The following FNDC3B variants were observed in gnomAD, a reference collection of about 807,000 sequenced individuals.
FNDC3B encodes the protein fibronectin type III domain containing 3B, also known as fibronectin type III domain-containing protein 3B.
Under a neutral mutation model 151.5 loss-of-function variants are expected in FNDC3B, and 12 were observed. That is an observed-to-expected ratio of 0.08 (90% confidence interval 0.05 to 0.13). The LOEUF is 0.13. Among genes scored for constraint, FNDC3B ranks in the 10% least tolerant of loss-of-function variants. The pLI is 1.00. For missense variants in FNDC3B, 1,214 were observed against 1,505.3 expected (o/e 0.81, Z 3.20); for synonymous variants, 528 against 549.0 (o/e 0.96, Z 0.54).
intron 1 of FNDC3B, among the ~76,000 whole-genome samples, chr3:172,052,302 T>G (rs1481487348): frequency 6.6e-6 from 1 of 151,662 alleles, no homozygotes; most frequent in Non-Finnish European, 1.5e-5. Context: ...GGTCTGGAAG[T>G]CTTGGGCTCA....
At chr3:172,312,380 A>G (rs1731548447) in intron 11 of FNDC3B, among the ~76,000 whole-genome samples, 1 of 152,222 alleles carries the variant, frequency 6.6e-6, no homozygotes, top group South Asian at 2.1e-4. Context: ...GGTTAATTAG[A>G]AAGTGAAACC....
chr3:172,050,736 T>TGTG (rs1716605697), intron 1 of FNDC3B, among the ~76,000 whole-genome samples: 1 of 136,404 alleles, frequency 7.3e-6, no homozygotes, highest in African/African-American at 2.7e-5. Flanking sequence ...TGTGTGTGTA[T>TGTG]AGTGTGTATA....
At chr3:172,124,073 C>A (rs1720688746) in intron 2 of FNDC3B, among the ~76,000 whole-genome samples, 1 of 152,010 alleles carries the variant, frequency 6.6e-6, no homozygotes, top group Admixed American at 6.6e-5. Context: ...TTTTTATTGA[C>A]TACTTCTGCA....
At chr3:172,119,031 G>T (rs145134673) in intron 2 of FNDC3B, among the ~76,000 whole-genome samples, 2 of 151,850 alleles carry the variant, frequency 1.3e-5, no homozygotes, top group African/African-American at 4.8e-5. Context: ...TTAGCCAGGC[G>T]TGGTGGTGGG....
chr3:172,384,567 A>C (rs569326727), intron 25 of FNDC3B, among the ~76,000 whole-genome samples: 1 of 152,170 alleles, frequency 6.6e-6, no homozygotes, highest in African/African-American at 2.4e-5. Context: ...TTGATCACAC[A>C]TTTGTTATTG....
chr3:172,074,282 G>C (rs757173712), intron 1 of FNDC3B, among the ~76,000 whole-genome samples: 2 of 152,196 alleles, frequency 1.3e-5, no homozygotes, highest in Non-Finnish European at 2.9e-5. Context: ...CTAGTATTCA[G>C]ACCTAATTCT....
intron 12 of FNDC3B, 108 bp from the exon 13 acceptor site, chr3:172,330,433 C>T (rs1732586285): frequency 1.0e-6 from 1 of 953,362 alleles, no homozygotes. Context: ...TTTGCTTACT[C>T]TACCTGCTAG....
intron 1 of FNDC3B, among the ~76,000 whole-genome samples, chr3:172,043,852 G>C (rs1049176843): frequency 2.0e-5 from 3 of 152,120 alleles, no homozygotes; most frequent in African/African-American, 7.2e-5. Context: ...GTCAGAACTT[G>C]TTGGTTATTT....
intron 3 of FNDC3B, among the ~76,000 whole-genome samples, chr3:172,199,370 G>A (rs1015690573): frequency 6.6e-6 from 1 of 150,836 alleles, no homozygotes; most frequent in African/African-American, 2.4e-5. Flanking sequence ...TAGTAGAGAC[G>A]GGGTTTCACC....
chr3:172,269,668 A>G (rs1490541450), intron 6 of FNDC3B, among the ~76,000 whole-genome samples: 1 of 151,638 alleles, frequency 6.6e-6, no homozygotes, highest in Non-Finnish European at 1.5e-5. Context: ...TTTTGGAGAG[A>G]GGGTCTCACT....
chr3:172,366,375 G>A (rs1484383423), intron 23 of FNDC3B, among the ~76,000 whole-genome samples: 1 of 152,070 alleles, frequency 6.6e-6, no homozygotes, highest in African/African-American at 2.4e-5. Context: ...GCCTACAGGA[G>A]CGCTAAGCAT....
intron 11 of FNDC3B, 133 bp downstream of exon 11, chr3:172,311,014 C>A: frequency 2.9e-6 from 2 of 687,206 alleles, no homozygotes; most frequent in Admixed American, 2.4e-5. Flanking sequence ...AAATTTAAAT[C>A]AATAGTTATT....
chr3:172,084,462 T>C (rs1008230995), intron 1 of FNDC3B, among the ~76,000 whole-genome samples: 1 of 42,700 alleles, frequency 2.3e-5, no homozygotes, highest in Non-Finnish European at 5.1e-5. Flanking sequence ...AAAAAAAATA[T>C]GTATATGTAT....
rs1486418607 is a variant in FNDC3B at position 172,308,131 on chromosome 3, A to G, written c.1200+630A>G. On this transcript the variant is annotated intron_variant, in intron 10 of 25. Transcript: ENST00000415807. ...CCTAGAACATTTAGTGATCTAAACTATGTTAGTACTTCATTAAGTTTCACT... is the reference window on the plus strand; with the variant it reads ...CCTAGAACATTTAGTGATCTAAACTGTGTTAGTACTTCATTAAGTTTCACT... Among the ~76,000 whole-genome samples the G allele has an allele frequency of 2.0e-5, 3 of 152,236 alleles. No homozygotes were observed. In the East Asian group the frequency reaches 5.8e-4, roughly 29 times the overall value.
chr3:172,057,912 A>G (rs1320080708), intron 1 of FNDC3B, among the ~76,000 whole-genome samples: 4 of 147,150 alleles, frequency 2.7e-5, no homozygotes, highest in Admixed American at 1.3e-4. Flanking sequence ...GCAGGGAGGA[A>G]AAAAAAAAAA....
intron 3 of FNDC3B, among the ~76,000 whole-genome samples, chr3:172,153,363 G>A (rs1722327714): frequency 1.3e-5 from 2 of 152,090 alleles, no homozygotes; most frequent in Admixed American, 6.6e-5. Context: ...TTTCCAAGCC[G>A]AGTGCTCCCT....
intron 1 of FNDC3B, among the ~76,000 whole-genome samples, chr3:172,069,444 G>A (rs62283787): frequency 0.072 from 10,902 of 152,214 alleles, 490 homozygotes; most frequent in East Asian, 0.19. Flanking sequence ...GATCTTTGAA[G>A]AATTAGTGGG....
At chr3:172,337,759 A>G (rs1733059655) in intron 16 of FNDC3B, 1 of 242,662 alleles carries the variant, frequency 4.1e-6, no homozygotes, top group Admixed American at 5.3e-5. Flanking sequence ...AACATGGCCC[A>G]TTGCAGTCTC....
chr3:172,373,058 A>C (rs1470173850), intron 23 of FNDC3B, among the ~76,000 whole-genome samples: 1 of 152,180 alleles, frequency 6.6e-6, no homozygotes, highest in Non-Finnish European at 1.5e-5. Flanking sequence ...AGGATGGTCC[A>C]GTCCTTCTCA....
Sources: gnomAD v4.1 joint callset for allele counts (sites outside exome capture counted in the v4.1 genomes callset) on GRCh38, gnomAD v4.1.1 for gene constraint, MANE v1.5 for transcripts, NCBI Gene and HGNC (gene_info 2026-07-23, HGNC 2026-07-21) for gene names.